The following SNX6 variants were observed in gnomAD, a reference collection of about 807,000 sequenced individuals.
SNX6 encodes the protein sorting nexin-6.
A neutral mutation model predicts 63.0 loss-of-function variants in SNX6; 34 were observed. That is an observed-to-expected ratio of 0.54 (90% CI 0.41 to 0.72). The LOEUF (loss-of-function observed/expected upper bound fraction) is 0.72, where lower values mean the gene tolerates loss of function less well. SNX6 is among the 30% of genes least tolerant of loss of function. The pLI, the probability that SNX6 is intolerant of heterozygous loss-of-function variation, is 0.00. For synonymous variants in SNX6, 170 were observed against 164.2 expected, an observed-to-expected ratio of 1.04 and a Z score of -0.27; for missense variants, 398 against 471.4, an observed-to-expected ratio of 0.84 and a Z score of 1.44.
chr14:34,595,417 G>A lies in SNX6; in HGVS notation c.612+2133C>T, dbSNP rs749768774. Among the ~76,000 whole-genome samples, 11 of 152,276 alleles carry A rather than the reference G, an allele frequency of 7.2e-5. No homozygotes were observed. In the East Asian group the frequency reaches 9.6e-4, roughly 13 times the overall value. The stretch of plus-strand genomic sequence containing the variant: ...CTCCCAAAGTGCTAGGATTATAGGC[G>A]TGAGCCACTGTGCCCGGCCACAGTT... On this transcript the variant is annotated intron_variant, in intron 7 of 13. Coordinates refer to ENST00000362031, the MANE Select transcript of SNX6 (RefSeq NM_152233.4).
intron 3 of SNX6, 97 bp from the exon 4 acceptor site, chr14:34,608,237 G>C: frequency 1.7e-6 from 1 of 599,450 alleles, no homozygotes; most frequent in East Asian, 3.0e-5. Flanking sequence ...GAGTGCAGTC[G>C]AACAATCTCG....
intron 11 of SNX6, among the ~76,000 whole-genome samples, chr14:34,573,581 AAAAC>A (rs1366386269): frequency 6.6e-6 from 1 of 152,062 alleles, no homozygotes; most frequent in African/African-American, 2.4e-5. Flanking sequence ...CCTTAAAAAA[AAAAC>A]AAATTGTTTT....
At chr14:34,592,368 G>A (rs1037656018) in intron 8 of SNX6, among the ~76,000 whole-genome samples, 2 of 151,894 alleles carry the variant, frequency 1.3e-5, no homozygotes, top group Admixed American at 6.6e-5. Context: ...CAGCCTGGGC[G>A]ATAGAGACTC....
chr14:34,600,288 C>A (rs565134374), intron 6 of SNX6, among the ~76,000 whole-genome samples: 87 of 152,228 alleles, frequency 5.7e-4, no homozygotes, highest in Non-Finnish European at 1.1e-3. Flanking sequence ...CCACGTCCAG[C>A]TTATGTTTGC....
intron 10 of SNX6, among the ~76,000 whole-genome samples, chr14:34,577,511 G>T (rs1881757012): frequency 6.6e-6 from 1 of 152,170 alleles, no homozygotes; most frequent in Non-Finnish European, 1.5e-5. Flanking sequence ...TGCAGTCAAA[G>T]CTTTAGTAAA....
At position 34,630,147 on chromosome 14, in the gene SNX6, G is replaced by C; in HGVS notation, c.-31C>G. The C allele has an allele frequency of 2.3e-6, 3 of 1,300,488 alleles. No individual in the cohort carries two copies. Among genetic ancestry groups the C allele is most frequent in the Non-Finnish European group, 2.9e-6 (3 of 1,029,724 alleles). The allele number at this position is 1,300,488 out of a possible 1,614,324, so 80.6% of individuals were successfully genotyped here. A position where few individuals can be genotyped will look rare whatever the true frequency, so the allele number is the denominator to read the frequency against. On this transcript the variant is annotated 5_prime_UTR_variant, in exon 1 of 14. Transcript: ENST00000362031. Reference sequence around the variant, plus strand: ...CTCCGAGGCGAGGGCCGGCGCAGGCGCGCATCTCCCTGCTGCCGGAGGGAG... The same window carrying C: ...CTCCGAGGCGAGGGCCGGCGCAGGCCCGCATCTCCCTGCTGCCGGAGGGAG...
chr14:34,607,931 A>C, intron 4 of SNX6, 99 bp downstream of exon 4: 1 of 598,826 alleles, frequency 1.7e-6, no homozygotes, highest in Non-Finnish European at 2.8e-6. Context: ...AACAAAACAA[A>C]AAAACAGTTC....
At chr14:34,571,934 C>A (rs1023697144) in intron 11 of SNX6, among the ~76,000 whole-genome samples, 7 of 152,096 alleles carry the variant, frequency 4.6e-5, no homozygotes, top group African/African-American at 1.7e-4. Context: ...TCCAGAAATC[C>A]TTCTGGCTTG....
chr14:34,575,065 T>C (rs1881633919), intron 11 of SNX6, among the ~76,000 whole-genome samples: 4 of 149,862 alleles, frequency 2.7e-5, no homozygotes, highest in Admixed American at 2.0e-4. Flanking sequence ...CTAATTTTTG[T>C]ATTTTTAGTA....
In SNX6 at chr14:34,627,420, CTTCG is replaced by C. The variant is rs1243351121; in HGVS notation, c.54+2483_54+2486del. 3.2e-3 allele frequency among the ~76,000 whole-genome samples: 481 copies of C among 151,886 alleles called. 2 individuals carry two copies. Among genetic ancestry groups the C allele is most frequent in the African/African-American group, 0.011 (468 of 41,348 alleles). ...CAAGATAGCACCACTGCAGTCGGGC[CTTCG>C]GCCTGGGCGAAAGAGCGAGACTCCG... is the stretch of plus-strand genomic sequence containing the variant. On this transcript the variant is annotated intron_variant, in intron 2 of 13. Transcript: ENST00000362031.
intron 13 of SNX6, among the ~76,000 whole-genome samples, chr14:34,567,254 A>ATCCC (rs1881226375): frequency 6.6e-6 from 1 of 152,038 alleles, no homozygotes; most frequent in African/African-American, 2.4e-5. Flanking sequence ...TGGGAGGCTG[A>ATCCC]GGCAGGAGGA....
chr14:34,597,787 G>T, intron 6 of SNX6, 142 bp from the exon 7 acceptor site: 1 of 576,450 alleles, frequency 1.7e-6, no homozygotes, highest in Non-Finnish European at 3.0e-6. Context: ...GCACATCAAT[G>T]ATTTTCAAAT....
chr14:34,593,295 C>G, intron 7 of SNX6, 145 bp from the exon 8 acceptor site: 1 of 578,424 alleles, frequency 1.7e-6, no homozygotes, highest in South Asian at 2.4e-5. Flanking sequence ...ATTTCACCAA[C>G]AAGACTTTAA....
intron 8 of SNX6, among the ~76,000 whole-genome samples, chr14:34,587,532 CAAAAAAAA>C (rs34380966): frequency 3.5e-5 from 2 of 57,830 alleles, no homozygotes. Flanking sequence ...GACTCCATCT[CAAAAAAAA>C]AAAAAAAAAA....
chr14:34,610,188 GA>G (rs751086426), intron 2 of SNX6, among the ~76,000 whole-genome samples: 66 of 132,756 alleles, frequency 5.0e-4, no homozygotes, highest in South Asian at 4.7e-4. Context: ...TACAGAAATT[GA>G]AAAAAAAAAA....
intron 2 of SNX6, among the ~76,000 whole-genome samples, chr14:34,617,563 G>A (rs575006577): frequency 7.4e-6 from 1 of 135,044 alleles, no homozygotes; most frequent in Non-Finnish European, 1.5e-5. Flanking sequence ...GGCTGTGATT[G>A]TGCCACTGCA....
chr14:34,587,435 T>A (rs1465822019), intron 8 of SNX6, among the ~76,000 whole-genome samples: 1 of 142,434 alleles, frequency 7.0e-6, no homozygotes, highest in African/African-American at 2.6e-5. Flanking sequence ...CGGGAAGCTG[T>A]GGCAGGAGAA....
chr14:34,620,118 T>C (rs567242369), intron 2 of SNX6, among the ~76,000 whole-genome samples: 28 of 152,302 alleles, frequency 1.8e-4, no homozygotes, highest in African/African-American at 6.3e-4. Flanking sequence ...AAATTGCATA[T>C]GCTCTTTGAA....
intron 11 of SNX6, 48 bp downstream of exon 11, chr14:34,575,708 G>C: frequency 9.8e-7 from 1 of 1,015,302 alleles, no homozygotes; most frequent in Non-Finnish European, 1.5e-6. Context: ...ACAAACTCAA[G>C]AAATGGCTGT....
Sources: allele counts gnomAD v4.1 joint callset (sites outside exome capture counted in the v4.1 genomes callset), GRCh38; gene constraint gnomAD v4.1.1; transcripts MANE v1.5; gene names NCBI Gene and HGNC (gene_info 2026-07-23, HGNC 2026-07-21).